SLC14A2: variants seen among roughly 807,000 people sequenced by gnomAD.
SLC14A2 encodes the protein solute carrier family 14 member 2, also known as urea transporter 2.
SLC14A2 carries 91 observed loss-of-function variants against 104.6 expected under a neutral mutation model. The observed-to-expected ratio is 0.87, with a 90% CI of 0.73 to 1.04. The LOEUF (loss-of-function observed/expected upper bound fraction) is 1.04, where lower values mean the gene tolerates loss of function less well. Among genes scored for constraint, SLC14A2 ranks in the 50% least tolerant of loss-of-function variants. The pLI, the probability that SLC14A2 is intolerant of heterozygous loss-of-function variation, is 0.00. For synonymous variants in SLC14A2, 476 were observed against 466.4 expected (o/e 1.02, Z -0.27); for missense variants, 1,189 against 1,156.0 (o/e 1.03, Z -0.41).
chr18:45,473,356 A>G (rs112180802), intron 1 of SLC14A2, among the ~76,000 whole-genome samples: 33,560 of 152,184 alleles, frequency 0.22, 4,030 homozygotes, highest in Non-Finnish European at 0.27. Flanking sequence ...TCTTAGCTAC[A>G]TGGGCTCTTT....
chr18:45,504,821 G>C (rs897247305), intron 2 of SLC14A2, among the ~76,000 whole-genome samples: 16 of 152,142 alleles, frequency 1.1e-4, no homozygotes, highest in Admixed American at 6.5e-5. Context: ...CTTCCTTTCT[G>C]TGGACATTAG....
chr18:45,322,082 T>C (rs2085190886), intron 1 of SLC14A2, among the ~76,000 whole-genome samples: 1 of 152,172 alleles, frequency 6.6e-6, no homozygotes, highest in South Asian at 2.1e-4. Context: ...ATTATTTTGA[T>C]CCTAGAAAAT....
chr18:45,222,045 A>T (rs12965110), intron 1 of SLC14A2, among the ~76,000 whole-genome samples: 16,481 of 152,192 alleles, frequency 0.11, 936 homozygotes, highest in African/African-American at 0.15. Flanking sequence ...AAGAGAGAAG[A>T]TGGAGAACGT....
chr18:45,243,316 A>T (rs1243149342), intron 1 of SLC14A2, among the ~76,000 whole-genome samples: 1 of 152,192 alleles, frequency 6.6e-6, no homozygotes, highest in Non-Finnish European at 1.5e-5. Context: ...ACCATAATTA[A>T]TCCTAACAAT....
At chr18:45,235,822 T>C (rs1307085580) in intron 1 of SLC14A2, among the ~76,000 whole-genome samples, 4 of 130,670 alleles carry the variant, frequency 3.1e-5, no homozygotes, top group Admixed American at 7.9e-5. Context: ...TGTATATATA[T>C]ATATATATAC....
intron 1 of SLC14A2, among the ~76,000 whole-genome samples, chr18:45,363,608 AAAG>A (rs1462310222): frequency 2.6e-5 from 4 of 152,364 alleles, no homozygotes; most frequent in Admixed American, 2.6e-4. Flanking sequence ...CAGAATTAAA[AAAG>A]AAGAGGGCAG....
intron 1 of SLC14A2, among the ~76,000 whole-genome samples, chr18:45,280,734 A>G (rs2084753771): frequency 6.6e-6 from 1 of 152,154 alleles, no homozygotes; most frequent in Non-Finnish European, 1.5e-5. Flanking sequence ...AGCTTTGAAG[A>G]GAAATAAAAG....
At chr18:45,643,333 C>T (rs533279060) in intron 9 of SLC14A2, 152 bp downstream of exon 9, 20 of 708,192 alleles carry the variant, frequency 2.8e-5, no homozygotes, top group South Asian at 1.7e-4. Flanking sequence ...TAAGGTTGTC[C>T]GGAGGAGGAT....
intron 2 of SLC14A2, among the ~76,000 whole-genome samples, chr18:45,519,620 G>A (rs908831533): frequency 3.3e-5 from 5 of 152,208 alleles, no homozygotes; most frequent in African/African-American, 9.7e-5. Flanking sequence ...TTGGAAAAAG[G>A]GGGCAGAGTA....
At chr18:45,663,368 G>A (rs1019800176) in intron 10 of SLC14A2, among the ~76,000 whole-genome samples, 2 of 152,174 alleles carry the variant, frequency 1.3e-5, no homozygotes, top group African/African-American at 4.8e-5. Flanking sequence ...CTGGTCTGAG[G>A]TGGAGCTCAG....
chr18:45,492,883 C>A (rs1009792088), intron 2 of SLC14A2, among the ~76,000 whole-genome samples: 3 of 152,202 alleles, frequency 2.0e-5, no homozygotes, highest in African/African-American at 7.2e-5. Flanking sequence ...TTGCTTCAAA[C>A]TTTAGTCAAA....
chr18:45,324,658 A>C (rs1237882740), intron 1 of SLC14A2, among the ~76,000 whole-genome samples: 1 of 152,060 alleles, frequency 6.6e-6, no homozygotes, highest in Admixed American at 6.5e-5. Flanking sequence ...ACTAGAATGC[A>C]ATTAGCCAGG....
chr18:45,289,010 G>A (rs1057397703), intron 1 of SLC14A2, among the ~76,000 whole-genome samples: 1 of 152,164 alleles, frequency 6.6e-6, no homozygotes, highest in Admixed American at 6.5e-5. Flanking sequence ...AGCAGATGCT[G>A]GGAACCTTCA....
At chr18:45,212,081 A>G (rs2083966347), upstream of SLC14A2, among the ~76,000 whole-genome samples, 1 of 152,156 alleles carries the variant, frequency 6.6e-6, no homozygotes, top group South Asian at 2.1e-4. Context: ...TTTTTCTGTG[A>G]TAGGGTTATT....
chr18:45,564,872 G>T (rs777534043), intron 2 of SLC14A2, among the ~76,000 whole-genome samples: 1 of 152,088 alleles, frequency 6.6e-6, no homozygotes, highest in Non-Finnish European at 1.5e-5. Context: ...GACAAACACA[G>T]CACAGCAGTA....
intron 1 of SLC14A2, among the ~76,000 whole-genome samples, chr18:45,361,451 C>T (rs1362354592): frequency 6.6e-6 from 1 of 152,174 alleles, no homozygotes; most frequent in Non-Finnish European, 1.5e-5. Context: ...GACAGTCTCA[C>T]ACATTGACTT....
chr18:45,509,791 A>T (rs1427061559), intron 2 of SLC14A2, among the ~76,000 whole-genome samples: 1 of 152,184 alleles, frequency 6.6e-6, no homozygotes, highest in Non-Finnish European at 1.5e-5. Context: ...TTGTTTGTAG[A>T]GATGTCTGAC....
chr18:45,364,248 T>TACTTCTG lies in SLC14A2; in HGVS notation c.-124-118985_-124-118984insACTTCTG, dbSNP rs780154030. ...TACATCATATACTTCTGGTATTCCC[T>TACTTCTG]GTCATTTGCTATGCTTAGAAGGCAA... On this transcript the variant is annotated intron_variant, in intron 1 of 20. Transcript: ENST00000586448. Among the ~76,000 whole-genome samples the TACTTCTG allele has an allele frequency of 2.0e-3, 305 of 152,370 alleles. 3 individuals are homozygous for TACTTCTG. The highest frequency in any genetic ancestry group is 3.3e-3 in the Non-Finnish European group (223 of 68,038).
chr18:45,242,529 T>C (rs2084328525), intron 1 of SLC14A2, among the ~76,000 whole-genome samples: 1 of 152,188 alleles, frequency 6.6e-6, no homozygotes, highest in Admixed American at 6.5e-5. Context: ...ATGGAGCAAT[T>C]ACTTTGATTC....
Sources: gnomAD v4.1 joint callset for allele counts (sites outside exome capture counted in the v4.1 genomes callset) on GRCh38, gnomAD v4.1.1 for gene constraint, MANE v1.5 for transcripts, NCBI Gene and HGNC (gene_info 2026-07-23, HGNC 2026-07-21) for gene names.